STAG2: variants seen among roughly 807,000 people sequenced by gnomAD.
STAG2 encodes the protein STAG2 cohesin complex component, also known as cohesin subunit SA-2.
Under a neutral mutation model 108.1 loss-of-function variants are expected in STAG2, and 14 were observed. The observed-to-expected ratio is 0.13, with a 90% CI of 0.09 to 0.20. The LOEUF is 0.20. Ranked by LOEUF, STAG2 falls within the 10% of genes least tolerant of loss-of-function variation. The pLI is 1.00. For missense variants in STAG2, 440 were observed against 940.9 expected (o/e 0.47, Z 6.96); for synonymous variants, 307 against 302.7 (o/e 1.01, Z -0.15).
rs1417798531 is a variant in STAG2, at chrX:124,102,460, T to C, written c.*1863T>C. 1 of 153,666 alleles carries C rather than the reference T, an allele frequency of 6.5e-6. No individual in the cohort carries two copies. The highest frequency in any genetic ancestry group is 3.0e-5 in the African/African-American group (1 of 32,890). The allele number at this position is 153,666 out of a possible 1,213,427, so 12.7% of individuals were successfully genotyped here. On this transcript the variant is annotated 3_prime_UTR_variant, in exon 35 of 35. Coordinates refer to ENST00000371145, the MANE Select transcript of STAG2 (RefSeq NM_001042750.2). ...CTGTTTTCTGATTTGTATTTATGTCTTGAGACAGTAACTTTTTGAATAAAA... is the reference window on the plus strand; with the variant it reads ...CTGTTTTCTGATTTGTATTTATGTCCTGAGACAGTAACTTTTTGAATAAAA...
intron 15 of STAG2, among the ~76,000 whole-genome samples, chrX:124,059,895 C>T (rs1369707064): frequency 1.8e-5 from 2 of 111,203 alleles, no homozygotes; most frequent in Non-Finnish European, 3.8e-5. Context: ...CTCTTGGGCC[C>T]AAGCAGTCCT....
chrX:124,089,267 T>C (rs1320229323), intron 30 of STAG2, among the ~76,000 whole-genome samples: 1 of 112,194 alleles, frequency 8.9e-6, no homozygotes, highest in Non-Finnish European at 1.9e-5. Flanking sequence ...CAAAAAGTGC[T>C]ATCAATTTTT....
chrX:124,083,357 TATTG>T (rs1485334830), intron 28 of STAG2, 60 bp from the exon 29 acceptor site: 5 of 940,375 alleles, frequency 5.3e-6, no homozygotes, highest in Non-Finnish European at 7.0e-6. Context: ...TTTCCTAAGT[TATTG>T]ACTTTTTTAT....
intron 1 of STAG2, among the ~76,000 whole-genome samples, chrX:123,987,192 A>G (rs1351743115): frequency 9.2e-6 from 1 of 108,652 alleles, no homozygotes; most frequent in East Asian, 2.9e-4. Context: ...GGGTTTCACC[A>G]TGTTGGTCAG....
intron 1 of STAG2, among the ~76,000 whole-genome samples, chrX:124,013,307 G>GCA (rs906512157): frequency 3.7e-4 from 36 of 97,811 alleles, no homozygotes; most frequent in Admixed American, 3.4e-4. Flanking sequence ...GTATACACAT[G>GCA]CACACACACA....
intron 4 of STAG2, among the ~76,000 whole-genome samples, chrX:124,030,750 A>T (rs950848384): frequency 8.1e-5 from 9 of 111,488 alleles, no homozygotes. Context: ...TATGCTGCTA[A>T]CTACTATGTC....
Position 124,090,757 on chromosome X carries a change from G to A in STAG2, c.3460G>A (p.Asp1154Asn), listed in dbSNP as rs1452374486. The A allele has an allele frequency of 8.3e-7, 1 of 1,206,873 alleles. No individual in the cohort carries two copies. The highest frequency in any genetic ancestry group is 1.1e-6 in the Non-Finnish European group (1 of 892,920). Residue 1154 changes from aspartate (D) to asparagine (N), a missense_variant, in exon 31 of 35, where the codon GAT becomes AAT. By Grantham distance (23) the Asp-to-Asn change is conservative. Transcript: ENST00000371145. The stretch of plus-strand genomic sequence containing the variant: ...GACTGAACATCATCAAACACCTCTT[G>A]ATTATAAGTAAGTACATTTGATCAT... ...MQTEHHQTPL[D>N]YNTQVTWMLA...
intron 1 of STAG2, among the ~76,000 whole-genome samples, chrX:124,007,895 T>G (rs757954937): frequency 8.9e-6 from 1 of 112,049 alleles, no homozygotes; most frequent in Non-Finnish European, 1.9e-5. Context: ...CTATGAGTTA[T>G]GATCAACATG....
chrX:123,987,707 A>G (rs2055264183), intron 1 of STAG2, among the ~76,000 whole-genome samples: 1 of 112,349 alleles, frequency 8.9e-6, no homozygotes. Context: ...CAAGAGCCCT[A>G]AAGTAAATCT....
chrX:124,060,445 C>T (rs527619205), intron 15 of STAG2, among the ~76,000 whole-genome samples: 2 of 112,023 alleles, frequency 1.8e-5, no homozygotes, highest in South Asian at 7.4e-4. Flanking sequence ...GTCATTTAAG[C>T]TTCACATAAT....
intron 25 of STAG2, among the ~76,000 whole-genome samples, chrX:124,073,217 C>T (rs1433537869): frequency 3.6e-5 from 4 of 111,482 alleles, no homozygotes; most frequent in Non-Finnish European, 7.5e-5. Context: ...ACTTCTAAAA[C>T]GTCTATGAGA....
chrX:123,989,946 A>C (rs1388648792), intron 1 of STAG2, among the ~76,000 whole-genome samples: 1 of 110,885 alleles, frequency 9.0e-6, no homozygotes, highest in African/African-American at 3.3e-5. Flanking sequence ...TTTTTGTTGC[A>C]TTGAGGATGT....
At chrX:124,001,658 G>A (rs1424008233) in intron 1 of STAG2, among the ~76,000 whole-genome samples, 1 of 111,276 alleles carries the variant, frequency 9.0e-6, no homozygotes, top group Non-Finnish European at 1.9e-5. Context: ...TGTGTTAGTT[G>A]CCTACAGTAT....
chrX:123,983,620 T>G lies in STAG2; in HGVS notation c.-163+21764T>G, dbSNP rs896054551. ...ATGAGCCGGACGGATAAAGTAAAAT[T>G]GGCTGTTTGACATAATTCTTTTGAA... is the stretch of plus-strand genomic sequence containing the variant. On this transcript the variant is annotated intron_variant, in intron 1 of 34. Coordinates refer to ENST00000371145, the MANE Select transcript of STAG2 (RefSeq NM_001042750.2). 2.7e-5 allele frequency among the ~76,000 whole-genome samples: 3 copies of G among 111,479 alleles called. No homozygotes were observed. In the East Asian group the frequency reaches 8.4e-4, roughly 31 times the overall value.
chrX:124,060,516 C>T (rs376301990), intron 15 of STAG2, among the ~76,000 whole-genome samples: 4 of 112,569 alleles, frequency 3.6e-5, no homozygotes, highest in African/African-American at 1.3e-4. Context: ...TTTAATTAAC[C>T]ATTATCACTC....
chrX:123,980,105 A>G (rs901914606), intron 1 of STAG2, among the ~76,000 whole-genome samples: 3 of 112,092 alleles, frequency 2.7e-5, no homozygotes, highest in Non-Finnish European at 3.8e-5. Flanking sequence ...GGAACATAGT[A>G]GTAATAATAT....
At position 124,048,994 on chromosome X, in the gene STAG2, T is replaced by G. The variant is rs1185731685; in HGVS notation, c.820-11T>G. On this transcript the variant is annotated splice_polypyrimidine_tract_variant and intron_variant, in intron 9 of 34. Coordinates refer to ENST00000371145, the MANE Select transcript of STAG2 (RefSeq NM_001042750.2). ...TTTACAATTGAAAAGAAATGATGTG[T>G]TTTTTTACAGCTTCAGGAAAATCAA... 2.5e-6 allele frequency: 3 copies of G among 1,185,612 alleles called. No homozygotes were observed. The highest frequency in any genetic ancestry group is 3.4e-6 in the Non-Finnish European group (3 of 873,604).
chrX:123,977,848 T>G (rs1407557110), intron 1 of STAG2, among the ~76,000 whole-genome samples: 2 of 91,168 alleles, frequency 2.2e-5, no homozygotes, highest in African/African-American at 8.1e-5. Context: ...TTTTTTTTTT[T>G]TTTTTTTTTT....
Position 123,967,375 on chromosome X carries a change from C to T in STAG2, c.-163+5519C>T, listed in dbSNP as rs188816921. ...CCACCTACTGGGTTCAAGCGATTCT[C>T]CTGCCTCGGCCTCCCGAGTAGCTGG... On this transcript the variant is annotated intron_variant, in intron 1 of 34. Transcript: ENST00000371145. Among the ~76,000 whole-genome samples, 249 of 104,047 alleles carry T rather than the reference C, an allele frequency of 2.4e-3. 2 individuals are homozygous for T. The highest frequency in any genetic ancestry group is 8.3e-3 in the African/African-American group (233 of 28,225). The allele number at this position is 104,047 out of a possible 115,157, so 90.4% of individuals were successfully genotyped here.
Sources: allele counts gnomAD v4.1 joint callset (sites outside exome capture counted in the v4.1 genomes callset), GRCh38; gene constraint gnomAD v4.1.1; transcripts MANE v1.5; gene names NCBI Gene and HGNC (gene_info 2026-07-23, HGNC 2026-07-21).